The following TMCC1 variants were observed in gnomAD, a reference collection of about 807,000 sequenced individuals.
TMCC1 encodes the protein transmembrane and coiled-coil domains protein 1.
In TMCC1, 15 loss-of-function variants were observed where a neutral mutation model predicts 52.4. The observed-to-expected ratio is 0.29, with a 90% CI of 0.19 to 0.44. The LOEUF (loss-of-function observed/expected upper bound fraction) is 0.44. Among genes scored for constraint, TMCC1 ranks in the 20% least tolerant of loss-of-function variants. TMCC1 has a pLI of 1.00. For missense variants in TMCC1, 503 were observed against 806.0 expected (o/e 0.62, Z 4.55); for synonymous variants, 279 against 301.9 (o/e 0.92, Z 0.79).
chr3:129,855,964 A>T (rs995116614), intron 2 of TMCC1, among the ~76,000 whole-genome samples: 4 of 152,296 alleles, frequency 2.6e-5, no homozygotes, highest in African/African-American at 9.6e-5. Context: ...CTGGTCCTTC[A>T]GATTCCAAAA....
intron 4 of TMCC1, among the ~76,000 whole-genome samples, chr3:129,779,545 A>G (rs561971723): frequency 6.6e-6 from 1 of 152,306 alleles, no homozygotes; most frequent in East Asian, 1.9e-4. Flanking sequence ...AATATCCTCA[A>G]AGCAGTAGTT....
At chr3:129,785,586 A>AACACAC (rs10576514) in intron 4 of TMCC1, among the ~76,000 whole-genome samples, 1 of 128,278 alleles carries the variant, frequency 7.8e-6, no homozygotes, top group South Asian at 2.5e-4. Flanking sequence ...CACACACACA[A>AACACAC]ACACACACAC....
intron 4 of TMCC1, among the ~76,000 whole-genome samples, chr3:129,674,357 C>T (rs549290355): frequency 7.5e-4 from 114 of 152,262 alleles, no homozygotes; most frequent in African/African-American, 2.6e-3. Context: ...TAGAACCCAA[C>T]GTCTTCAGCC....
chr3:129,785,754 C>T (rs2055970236), intron 4 of TMCC1, among the ~76,000 whole-genome samples: 1 of 152,046 alleles, frequency 6.6e-6, no homozygotes, highest in Admixed American at 6.6e-5. Context: ...TAATATTAGG[C>T]AACTTACATA....
intron 4 of TMCC1, among the ~76,000 whole-genome samples, chr3:129,802,760 C>A (rs897808613): frequency 6.6e-6 from 1 of 152,174 alleles, no homozygotes; most frequent in Non-Finnish European, 1.5e-5. Context: ...CATAGAGCAA[C>A]CATGAGGAAT....
Position 129,649,975 on chromosome 3 carries a change from T to TATAGGAA in TMCC1, c.*1499_*1505dup, listed in dbSNP as rs2086228726. ...GTTAGGTTAACAAGTCCGTTTACAT[T>TATAGGAA]ATAGGAAGCTGGCAACATTTCACAC... On this transcript the variant is annotated 3_prime_UTR_variant, in exon 7 of 7. Coordinates refer to ENST00000393238, the MANE Select transcript of TMCC1 (RefSeq NM_001017395.5). 6.6e-6 allele frequency: 1 copy of TATAGGAA among 152,594 alleles called. No homozygotes were observed. Among genetic ancestry groups the TATAGGAA allele is most frequent in the African/African-American group, 2.4e-5 (1 of 41,424 alleles). 9.5% of individuals were successfully genotyped at this position (152,594 alleles called of 1,614,324 possible).
At chr3:129,744,617 G>C (rs542506353) in intron 4 of TMCC1, among the ~76,000 whole-genome samples, 6 of 152,204 alleles carry the variant, frequency 3.9e-5, no homozygotes, top group Non-Finnish European at 5.9e-5. Context: ...AAAATAGCAT[G>C]CATACACACA....
intron 4 of TMCC1, among the ~76,000 whole-genome samples, chr3:129,784,437 G>A (rs1417449284): frequency 6.6e-6 from 1 of 151,830 alleles, no homozygotes; most frequent in East Asian, 1.9e-4. Flanking sequence ...GCAGTGGCGG[G>A]CGCCTGTAGT....
intron 1 of TMCC1, among the ~76,000 whole-genome samples, chr3:129,884,507 C>T (rs1270656891): frequency 6.6e-6 from 1 of 152,030 alleles, no homozygotes; most frequent in African/African-American, 2.4e-5. Flanking sequence ...TTCCAACATG[C>T]TTGTCTTCCA....
intron 4 of TMCC1, among the ~76,000 whole-genome samples, chr3:129,797,559 C>A (rs1025761717): frequency 1.3e-5 from 2 of 152,002 alleles, no homozygotes; most frequent in African/African-American, 2.4e-5. Flanking sequence ...CTGGGCAACA[C>A]GGTGAAACAC....
intron 4 of TMCC1, among the ~76,000 whole-genome samples, chr3:129,804,310 G>C (rs968185430): frequency 1.3e-5 from 2 of 152,270 alleles, no homozygotes; most frequent in Admixed American, 6.5e-5. Flanking sequence ...CCAAAAGAAA[G>C]ATGATATAAC....
At position 129,828,384 on chromosome 3, in the gene TMCC1, G is replaced by C. The variant is rs185157609; in HGVS notation, c.-6C>G. On this transcript the variant is annotated 5_prime_UTR_variant, in exon 4 of 7. Coordinates refer to ENST00000393238, the MANE Select transcript of TMCC1 (RefSeq NM_001017395.5). This position sits in a 1 kb window ranked among gnomAD's most constrained non-coding sequence, Gnocchi z 4.1. ...TCACTGCCCGAAGGCTCCATCAGTA[G>C]ACTTAATATGCTTATTTGCAAACTC... 6.8e-6 allele frequency: 11 copies of C among 1,610,054 alleles called. No homozygotes were observed. The East Asian group carries it at 2.0e-4, about 29-fold the overall frequency.
At chr3:129,655,124 TAGAATTTTATG>T in intron 5 of TMCC1, 21 bp from the exon 6 acceptor site, 1 of 1,604,620 alleles carries the variant, frequency 6.2e-7, no homozygotes, top group Non-Finnish European at 8.5e-7. Flanking sequence ...AAAAAAAGTT[TAGAATTTTATG>T]AATTCTGTGA....
intron 4 of TMCC1, among the ~76,000 whole-genome samples, chr3:129,676,866 A>T (rs957067753): frequency 3.3e-5 from 5 of 152,290 alleles, no homozygotes; most frequent in South Asian, 4.1e-4. Context: ...AAGTCAGATG[A>T]TGCCTGCCAA....
chr3:129,742,814 T>C (rs2051579163), intron 4 of TMCC1, among the ~76,000 whole-genome samples: 1 of 152,132 alleles, frequency 6.6e-6, no homozygotes, highest in Non-Finnish European at 1.5e-5. Context: ...TAATAGAATA[T>C]GATTTTGCAG....
At chr3:129,753,589 T>A (rs1414119487) in intron 4 of TMCC1, among the ~76,000 whole-genome samples, 4 of 152,162 alleles carry the variant, frequency 2.6e-5, no homozygotes, top group African/African-American at 9.7e-5. Flanking sequence ...TCTAAATAAA[T>A]TTTTTAAAAA....
At chr3:129,655,340 T>C (rs2086603929) in intron 5 of TMCC1, among the ~76,000 whole-genome samples, 1 of 152,194 alleles carries the variant, frequency 6.6e-6, no homozygotes, top group African/African-American at 2.4e-5. Context: ...CAATACACAG[T>C]ATTTGCAGCG....
chr3:129,882,150 G>A (rs2061488867), intron 1 of TMCC1, among the ~76,000 whole-genome samples: 1 of 152,118 alleles, frequency 6.6e-6, no homozygotes, highest in African/African-American at 2.4e-5. Flanking sequence ...CTATCATCCA[G>A]AATATACAGA....
chr3:129,806,732 T>C (rs1168892493), intron 4 of TMCC1, among the ~76,000 whole-genome samples: 1 of 151,144 alleles, frequency 6.6e-6, no homozygotes, highest in Non-Finnish European at 1.5e-5. Flanking sequence ...AGAAAACAAA[T>C]ATATAAAACA....
Sources: allele counts gnomAD v4.1 joint callset (sites outside exome capture counted in the v4.1 genomes callset), GRCh38; gene constraint gnomAD v4.1.1; non-coding constraint Gnocchi (gnomAD v3.1); transcripts MANE v1.5; gene names NCBI Gene and HGNC (gene_info 2026-07-23, HGNC 2026-07-21).